Variants in COL9A1 observed in about 807,000 individuals in gnomAD.
COL9A1 encodes collagen alpha-1(IX) chain.
Under a neutral mutation model 142.6 loss-of-function variants are expected in COL9A1, and 104 were observed. That is an observed-to-expected ratio of 0.73 (90% confidence interval 0.62 to 0.86). The LOEUF (loss-of-function observed/expected upper bound fraction) is 0.86, where lower values mean the gene tolerates loss of function less well. COL9A1 is among the 40% of genes least tolerant of loss of function. COL9A1 has a pLI of 0.00. For synonymous variants in COL9A1, 466 were observed against 396.0 expected, an observed-to-expected ratio of 1.18 and a Z score of -2.10; for missense variants, 1,210 against 1,176.6, an observed-to-expected ratio of 1.03 and a Z score of -0.42.
At chr6:70,242,595 C>G in intron 29 of COL9A1, 67 bp downstream of exon 29, 1 of 1,364,242 alleles carries the variant, frequency 7.3e-7, no homozygotes, top group South Asian at 1.2e-5. Flanking sequence ...TTGTTTTCTC[C>G]TCTTGCTTAT....
Position 70,254,961 on chromosome 6 carries a change from A to G in COL9A1, c.1665+2T>C, listed in dbSNP as rs759460647. On this transcript the variant is annotated splice_donor_variant, in intron 24 of 37. Coordinates refer to ENST00000357250, the MANE Select transcript of COL9A1 (RefSeq NM_001851.6). LOFTEE classifies it high-confidence loss of function. The stretch of plus-strand genomic sequence containing the variant: ...ACTCTTGGAGTAAATTACACAGCCT[A>G]CCTTTGTTCCAGGCATTCCAGGGAT... The G allele has an allele frequency of 3.7e-6, 6 of 1,613,946 alleles. No homozygotes were observed. Among genetic ancestry groups the G allele is most frequent in the African/African-American group, 1.3e-5 (1 of 74,914 alleles).
intron 16 of COL9A1, 119 bp downstream of exon 16, chr6:70,269,514 A>G: frequency 1.3e-6 from 1 of 745,326 alleles, no homozygotes; most frequent in South Asian, 1.6e-5. Context: ...CTGCCATTTG[A>G]GTGAAAGGAA....
chr6:70,287,089 C>A (rs1406845), intron 5 of COL9A1, among the ~76,000 whole-genome samples: 21,889 of 151,930 alleles, frequency 0.14, 2,169 homozygotes, highest in East Asian at 0.46. Flanking sequence ...TCATATAACA[C>A]GCGCATATAT....
rs765051109 is a variant in COL9A1 at position 70,255,408 on chromosome 6, T to C, written c.1504-18A>G. ...TGATCACCCTGTATGAAAATAAAAT[T>C]TTGTTAATACAAGAAAAAGTTACTT... is the stretch of plus-strand genomic sequence containing the variant. On this transcript the variant is annotated intron_variant, in intron 21 of 37. Coordinates refer to ENST00000357250, the MANE Select transcript of COL9A1 (RefSeq NM_001851.6). The C allele has an allele frequency of 1.2e-6, 2 of 1,612,932 alleles. No individual in the cohort carries two copies. Among genetic ancestry groups the C allele is most frequent in the South Asian group, 2.2e-5 (2 of 91,056 alleles).
At chr6:70,240,599 A>C in intron 32 of COL9A1, 90 bp downstream of exon 32, 1 of 773,898 alleles carries the variant, frequency 1.3e-6, no homozygotes, top group Non-Finnish European at 2.1e-6. Context: ...ATATATACCA[A>C]TTTTGAACTG....
chr6:70,282,838 C>T, intron 7 of COL9A1, 60 bp downstream of exon 7: 2 of 1,612,774 alleles, frequency 1.2e-6, no homozygotes, highest in Admixed American at 1.7e-5. Flanking sequence ...TCGACCGCTG[C>T]GCCCCGACCT....
At chr6:70,270,537 A>G (rs1772328215) in intron 14 of COL9A1, among the ~76,000 whole-genome samples, 170 bp from the exon 15 acceptor site, 1 of 152,228 alleles carries the variant, frequency 6.6e-6, no homozygotes, top group Non-Finnish European at 1.5e-5. Context: ...TAGTTCTACA[A>G]AATGAGAGTA....
At chr6:70,295,061 C>T (rs1348878442) in intron 4 of COL9A1, among the ~76,000 whole-genome samples, 1 of 152,030 alleles carries the variant, frequency 6.6e-6, no homozygotes, top group East Asian at 1.9e-4. Context: ...TTGTTATTTC[C>T]ATAATTGCTT....
intron 5 of COL9A1, among the ~76,000 whole-genome samples, chr6:70,289,532 G>C (rs181532888): frequency 9.2e-5 from 14 of 152,244 alleles, no homozygotes; most frequent in Admixed American, 8.5e-4. Flanking sequence ...CAACGCAGCA[G>C]GCTGAGTTTC....
At chr6:70,290,217 A>G (rs1024117126) in intron 5 of COL9A1, among the ~76,000 whole-genome samples, 1 of 152,140 alleles carries the variant, frequency 6.6e-6, no homozygotes, top group African/African-American at 2.4e-5. Flanking sequence ...TTGTTTTCTA[A>G]TAGAGCTGTA....
Position 70,235,511 on chromosome 6 carries a change from C to T in COL9A1, c.2113-571G>A, listed in dbSNP as rs540175705. On this transcript the variant is annotated intron_variant, in intron 33 of 37. Transcript: ENST00000357250. ...TTCGGGGATAGTTATTCTTGCAAAACGTTTATTGGAATACTACATTTTTTA... is the reference window on the plus strand; with the variant it reads ...TTCGGGGATAGTTATTCTTGCAAAATGTTTATTGGAATACTACATTTTTTA... 4.6e-5 allele frequency among the ~76,000 whole-genome samples: 7 copies of T among 152,068 alleles called. No homozygotes were observed. In the South Asian group the frequency reaches 1.2e-3, roughly 27 times the overall value.
rs147095719 is a variant in COL9A1 at position 70,232,685 on chromosome 6, G to T, written c.2401C>A (p.Pro801Thr). The stretch of plus-strand genomic sequence containing the variant: ...AAACCATTCTCTCCAGGAGGGCCGG[G>T]GGGACCAGGAGGGCCAGGCCTTCCA... Reference protein sequence around the residue: ...LPGRPGPPGPPGPPGENGFPG... With the variant: ...LPGRPGPPGPTGPPGENGFPG... The change falls in exon 36 of 38, where the codon CCC (proline) becomes ACC (threonine). Residue 801 changes from proline to threonine, a missense_variant. Pro to Thr is a conservative substitution (Grantham distance 38, BLOSUM62 -1). Coordinates refer to ENST00000357250, the MANE Select transcript of COL9A1 (RefSeq NM_001851.6). 1 of 1,614,062 alleles carries T rather than the reference G, an allele frequency of 6.2e-7. No homozygotes were observed. The highest frequency in any genetic ancestry group is 2.2e-5 in the East Asian group (1 of 44,888).
chr6:70,283,711 C>T (rs538316927), intron 6 of COL9A1, 26 bp downstream of exon 6: 7 of 1,582,080 alleles, frequency 4.4e-6, no homozygotes, highest in South Asian at 1.1e-5. Context: ...GTAGAAGTGG[C>T]CTTTGCAGGT....
intron 26 of COL9A1, 107 bp from the exon 27 acceptor site, chr6:70,252,422 C>CTGCT (rs2127574732): frequency 1.0e-6 from 1 of 957,296 alleles, no homozygotes; most frequent in East Asian, 2.5e-5. Context: ...CATTAATTCC[C>CTGCT]TGCTTTCACA....
chr6:70,276,388 TAC>T (rs1387583581), intron 10 of COL9A1, among the ~76,000 whole-genome samples: 4 of 152,128 alleles, frequency 2.6e-5, no homozygotes, highest in Non-Finnish European at 5.9e-5. Flanking sequence ...TCAATTTTCA[TAC>T]ACACAGTCAA....
rs369624945 is a variant in COL9A1, at chr6:70,252,255, G to A, written c.1818+7C>T. 1.2e-6 allele frequency: 2 copies of A among 1,614,014 alleles called. No homozygotes were observed. The highest frequency in any genetic ancestry group is 2.7e-5 in the African/African-American group (2 of 74,918). ...AGAACTTCAGGAGAGGTAAAATGGT[G>A]TCTTACCGGTTTGCCTGAATTTCCC... On this transcript the variant is annotated splice_region_variant and intron_variant, in intron 27 of 37. Coordinates refer to ENST00000357250, the MANE Select transcript of COL9A1 (RefSeq NM_001851.6).
At chr6:70,300,518 AG>A (rs1774026347) in intron 2 of COL9A1, 132 bp from the exon 3 acceptor site, 3 of 369,454 alleles carry the variant, frequency 8.1e-6, no homozygotes, top group Non-Finnish European at 1.4e-5. Flanking sequence ...CACAAAAAAA[AG>A]ATTTCAGGAT....
chr6:70,284,988 A>G (rs1363500530), intron 5 of COL9A1, among the ~76,000 whole-genome samples: 3 of 152,224 alleles, frequency 2.0e-5, no homozygotes, highest in Non-Finnish European at 2.9e-5. Flanking sequence ...GACAATGAAG[A>G]ATGAAGTCTT....
chr6:70,252,424 G>T (rs1350170128), intron 26 of COL9A1, 109 bp from the exon 27 acceptor site: 4 of 937,366 alleles, frequency 4.3e-6, no homozygotes, highest in Non-Finnish European at 5.2e-6. Flanking sequence ...TTAATTCCCT[G>T]CTTTCACACT....
Sources: allele counts gnomAD v4.1 joint callset (sites outside exome capture counted in the v4.1 genomes callset), GRCh38; gene constraint gnomAD v4.1.1; transcripts MANE v1.5; gene names NCBI Gene and HGNC (gene_info 2026-07-23, HGNC 2026-07-21).